The following EIF2B3 variants were observed in gnomAD, a reference collection of about 807,000 sequenced individuals.
EIF2B3 encodes the protein translation initiation factor eIF2B subunit gamma.
In EIF2B3, 20 loss-of-function variants were observed where a neutral mutation model predicts 54.1. That is an observed-to-expected ratio of 0.37 (90% CI 0.26 to 0.54). The LOEUF is 0.54. Ranked by LOEUF, EIF2B3 falls within the 20% of genes least tolerant of loss-of-function variation. EIF2B3 has a pLI of 0.86. For synonymous variants in EIF2B3, 153 were observed against 188.1 expected (o/e 0.81, Z 1.52); for missense variants, 448 against 547.8 (o/e 0.82, Z 1.82).
intron 9 of EIF2B3, 131 bp from the exon 10 acceptor site, chr1:44,874,957 T>C: frequency 8.6e-7 from 1 of 1,162,658 alleles, no homozygotes; most frequent in South Asian, 1.3e-5. Context: ...CCATGATCAG[T>C]ATTTCTCAGG....
intron 11 of EIF2B3, among the ~76,000 whole-genome samples, chr1:44,851,824 A>G (rs1019240716): frequency 5.3e-5 from 8 of 152,346 alleles, no homozygotes; most frequent in African/African-American, 1.7e-4. Flanking sequence ...TGAATGCTCA[A>G]TAAGTTGTGG....
chr1:44,906,272 A>G (rs114059587), intron 5 of EIF2B3, among the ~76,000 whole-genome samples: 1 of 152,138 alleles, frequency 6.6e-6, no homozygotes, highest in African/African-American at 2.4e-5. Flanking sequence ...TCCCAAGTAC[A>G]CAAGCAATAT....
intron 10 of EIF2B3, among the ~76,000 whole-genome samples, chr1:44,859,366 G>T (rs559491880): frequency 6.6e-5 from 10 of 151,840 alleles, no homozygotes; most frequent in African/African-American, 2.4e-4. Flanking sequence ...TGAAAATTAC[G>T]ACTAACCTGG....
chr1:44,860,587 C>A (rs1049589298), intron 10 of EIF2B3, among the ~76,000 whole-genome samples: 2 of 152,150 alleles, frequency 1.3e-5, no homozygotes, highest in African/African-American at 4.8e-5. Context: ...CTGCTAGTAA[C>A]AGATTTAAAT....
chr1:44,863,340 C>G (rs973132926), intron 10 of EIF2B3, among the ~76,000 whole-genome samples: 5 of 152,114 alleles, frequency 3.3e-5, no homozygotes, highest in Non-Finnish European at 5.9e-5. Context: ...CCAAGTATCT[C>G]TCTAGAGAAA....
At chr1:44,930,260 A>G (rs1643884585) in intron 4 of EIF2B3, among the ~76,000 whole-genome samples, 1 of 152,216 alleles carries the variant, frequency 6.6e-6, no homozygotes, top group South Asian at 2.1e-4. Context: ...TAAGGCCAGC[A>G]TGATCCTGAT....
At chr1:44,867,951 T>A (rs1423225013) in intron 10 of EIF2B3, among the ~76,000 whole-genome samples, 1 of 149,310 alleles carries the variant, frequency 6.7e-6, no homozygotes, top group Non-Finnish European at 1.5e-5. Flanking sequence ...AGTGGGAAAA[T>A]CACTTGAGCC....
intron 3 of EIF2B3, among the ~76,000 whole-genome samples, chr1:44,951,954 ATTTTT>A (rs1171020644): frequency 0.014 from 629 of 44,624 alleles, 42 homozygotes; most frequent in African/African-American, 0.075. Flanking sequence ...TGCCTGGCTA[ATTTTT>A]TTTTTTTTTT....
chr1:44,857,609 G>A (rs1316741036), intron 11 of EIF2B3, 95 bp downstream of exon 11: 11 of 1,110,264 alleles, frequency 9.9e-6, no homozygotes, highest in East Asian at 7.1e-5. Flanking sequence ...CGCAGTGTAC[G>A]TATGTGCTTG....
At chr1:44,940,182 G>T (rs145753064) in intron 4 of EIF2B3, among the ~76,000 whole-genome samples, 1 of 152,120 alleles carries the variant, frequency 6.6e-6, no homozygotes, top group African/African-American at 2.4e-5. Context: ...AAGTATGAAG[G>T]CTCTCAGTGG....
Position 44,870,545 on chromosome 1 carries a change from T to G in EIF2B3, c.1202+4133A>C, listed in dbSNP as rs2148899251. Reference sequence around the variant, plus strand: ...TTCTTATGTCTAAAATTGCTTGCTGTTAGTTCCCAATCCCCAAGGTTTTGT... The same window carrying G: ...TTCTTATGTCTAAAATTGCTTGCTGGTAGTTCCCAATCCCCAAGGTTTTGT... On this transcript the variant is annotated intron_variant, in intron 10 of 11. Coordinates refer to ENST00000360403, the MANE Select transcript of EIF2B3 (RefSeq NM_020365.5). Among the ~76,000 whole-genome samples the G allele has an allele frequency of 2.6e-5, 4 of 152,318 alleles. No homozygotes were observed. In the Middle Eastern group the frequency reaches 0.01, roughly 389 times the overall value.
intron 5 of EIF2B3, among the ~76,000 whole-genome samples, chr1:44,913,109 TAAAA>T (rs552977811): frequency 0.031 from 3,189 of 103,310 alleles, 147 homozygotes; most frequent in African/African-American, 0.1. Flanking sequence ...CGGTTTTTGT[TAAAA>T]AAAAAAAAAA....
chr1:44,960,835 C>A (rs1644277730), intron 3 of EIF2B3, among the ~76,000 whole-genome samples: 2 of 152,076 alleles, frequency 1.3e-5, no homozygotes, highest in Non-Finnish European at 2.9e-5. Context: ...GGAACCAATA[C>A]CCCAAAGATA....
At chr1:44,975,809 A>C (rs910145833) in intron 3 of EIF2B3, among the ~76,000 whole-genome samples, 6 of 152,024 alleles carry the variant, frequency 3.9e-5, no homozygotes, top group African/African-American at 1.4e-4. Flanking sequence ...TGTCTCTATA[A>C]ACTACAAAAA....
At chr1:44,913,964 C>A (rs1241076659) in intron 5 of EIF2B3, among the ~76,000 whole-genome samples, 3 of 142,476 alleles carry the variant, frequency 2.1e-5, no homozygotes, top group African/African-American at 7.9e-5. Flanking sequence ...GTAGCTGGGA[C>A]TACAGGCACG....
rs1376786416 is a variant in EIF2B3 at position 44,857,725 on chromosome 1, C to G, written c.1285G>C (p.Gly429Arg). The change falls in exon 11 of 12, where the codon GGC becomes CGC. Residue 429 changes from glycine to arginine, a missense_variant. Coordinates refer to ENST00000360403, the MANE Select transcript of EIF2B3 (RefSeq NM_020365.5). ...ADIKDCLIGS[G>R]QRIEAKAKRV... ...TTACCTTTGGCTTCAATCCTCTGGC[C>G]ACTTCCAATCAAGCAGTCCTTGATG... 6.2e-7 allele frequency: 1 copy of G among 1,614,024 alleles called. No homozygotes were observed. Among genetic ancestry groups the G allele is most frequent in the African/African-American group, 1.3e-5 (1 of 74,920 alleles).
chr1:44,904,519 T>TC (rs1643377085), intron 5 of EIF2B3, among the ~76,000 whole-genome samples: 1 of 152,094 alleles, frequency 6.6e-6, no homozygotes. Context: ...TATTTGGCAA[T>TC]CTTTTTTTTT....
intron 5 of EIF2B3, among the ~76,000 whole-genome samples, chr1:44,901,485 A>G (rs1181019498): frequency 6.6e-6 from 1 of 151,058 alleles, no homozygotes; most frequent in African/African-American, 2.4e-5. Flanking sequence ...TCCTGGCCCC[A>G]AGCGATCCTC....
At chr1:44,857,581 T>C (rs1654478108) in intron 11 of EIF2B3, 123 bp downstream of exon 11, 3 of 923,088 alleles carry the variant, frequency 3.2e-6, no homozygotes, top group Non-Finnish European at 5.3e-6. Flanking sequence ...GATGGCTTTA[T>C]CAATTTATGT....
Sources: allele counts gnomAD v4.1 joint callset (sites outside exome capture counted in the v4.1 genomes callset), GRCh38; gene constraint gnomAD v4.1.1; transcripts MANE v1.5; gene names NCBI Gene and HGNC (gene_info 2026-07-23, HGNC 2026-07-21).